ADAMTSL1: variants seen among roughly 807,000 people sequenced by gnomAD.
ADAMTSL1 encodes the protein ADAMTS like 1, also known as ADAMTS-like protein 1.
A neutral mutation model predicts 201.8 loss-of-function variants in ADAMTSL1; 126 were observed. That is an observed-to-expected ratio of 0.62 (90% confidence interval 0.54 to 0.72). The LOEUF is 0.72. Among genes scored for constraint, ADAMTSL1 ranks in the 30% least tolerant of loss-of-function variants. ADAMTSL1 has a pLI of 0.00. For synonymous variants in ADAMTSL1, 1,121 were observed against 903.4 expected (o/e 1.24, Z -4.32); for missense variants, 2,679 against 2,277.8 (o/e 1.18, Z -3.59).
At chr9:18,367,832 C>T (rs1836842598) in intron 2 of ADAMTSL1, among the ~76,000 whole-genome samples, 1 of 151,788 alleles carries the variant, frequency 6.6e-6, no homozygotes, top group South Asian at 2.1e-4. Context: ...GATGGATGGG[C>T]GGGCAGGTGG....
chr9:18,553,717 A>G (rs1437675027), intron 3 of ADAMTSL1, among the ~76,000 whole-genome samples: 1 of 151,876 alleles, frequency 6.6e-6, no homozygotes, highest in African/African-American at 2.4e-5. Flanking sequence ...GTTGACAGTT[A>G]TCTTGTCTCA....
At chr9:18,412,031 G>A (rs569222100) in intron 2 of ADAMTSL1, among the ~76,000 whole-genome samples, 5 of 152,164 alleles carry the variant, frequency 3.3e-5, no homozygotes, top group South Asian at 2.1e-4. Flanking sequence ...CCATTCATTC[G>A]CTTTTATTCA....
chr9:18,545,643 T>A (rs1212106601), intron 3 of ADAMTSL1, among the ~76,000 whole-genome samples: 1 of 152,200 alleles, frequency 6.6e-6, no homozygotes, highest in Non-Finnish European at 1.5e-5. Flanking sequence ...TCTCTGCCTG[T>A]CAAGAGGATA....
chr9:18,105,833 A>G (rs1053412480), intron 1 of ADAMTSL1, among the ~76,000 whole-genome samples: 3 of 152,178 alleles, frequency 2.0e-5, no homozygotes, highest in African/African-American at 4.8e-5. Context: ...TACTCAAGTA[A>G]TCTCCTCTGG....
At chr9:18,017,998 G>A (rs972365367) in intron 1 of ADAMTSL1, among the ~76,000 whole-genome samples, 2 of 152,030 alleles carry the variant, frequency 1.3e-5, no homozygotes, top group African/African-American at 4.8e-5. Context: ...TTCAAACTGT[G>A]GCCTGAGGGA....
intron 23 of ADAMTSL1, among the ~76,000 whole-genome samples, chr9:18,836,879 T>C (rs139892039): frequency 8.7e-4 from 132 of 152,328 alleles, no homozygotes; most frequent in Non-Finnish European, 1.3e-3. Context: ...CTATTGTAAA[T>C]GGCATTGCAT....
chr9:18,135,461 A>G (rs897316753), intron 1 of ADAMTSL1, among the ~76,000 whole-genome samples: 1 of 152,134 alleles, frequency 6.6e-6, no homozygotes, highest in African/African-American at 2.4e-5. Context: ...TTTACTAGCC[A>G]CAAGGTGGAC....
rs565483090 is a variant in ADAMTSL1 at position 18,777,280 on chromosome 9, G to T, written c.3051G>T (p.Pro1017=). 3 of 1,608,564 alleles carry T rather than the reference G, an allele frequency of 1.9e-6. No individual in the cohort carries two copies. The highest frequency in any genetic ancestry group is 4.5e-5 in the East Asian group (2 of 44,738). The change falls in exon 19 of 29, where the codon CCG becomes CCT. Residue 1017 remains proline, a synonymous_variant. Transcript: ENST00000380548. Reference sequence around the variant, plus strand: ...AGAAGCGGGGCCTGGCCGCCAACCCGGGGAGCCGCTACGACGACCTCGTCT... The same window carrying T: ...AGAAGCGGGGCCTGGCCGCCAACCCTGGGAGCCGCTACGACGACCTCGTCT... ...KAEKRGLAAN[P]GSRYDDLVSR...
In ADAMTSL1 at chr9:18,512,696, A is replaced by G. The variant is rs141873871; in HGVS notation, c.191+7740A>G. 5.1e-3 allele frequency among the ~76,000 whole-genome samples: 783 copies of G among 152,318 alleles called. 5 individuals carry two copies. Among genetic ancestry groups the G allele is most frequent in the South Asian group, 0.028 (134 of 4,832 alleles). On this transcript the variant is annotated intron_variant, in intron 2 of 28. Transcript: ENST00000380548. Reference sequence around the variant, plus strand: ...AACTAAGAGAAGTTCCCCCAGTTCTATAAATAATACATCTGTGGAACTGGG... The same window carrying G: ...AACTAAGAGAAGTTCCCCCAGTTCTGTAAATAATACATCTGTGGAACTGGG...
chr9:18,899,829 T>TAA (rs1170643480), intron 26 of ADAMTSL1, among the ~76,000 whole-genome samples: 1 of 150,810 alleles, frequency 6.6e-6, no homozygotes, highest in Non-Finnish European at 1.5e-5. Context: ...CCCCAAACTA[T>TAA]AAAAACCCTA....
Position 18,795,482 on chromosome 9 carries a change from G to A in ADAMTSL1, c.3763G>A (p.Ala1255Thr), listed in dbSNP as rs1822365034. 1.2e-6 allele frequency: 2 copies of A among 1,613,798 alleles called. No individual in the cohort carries two copies. Among genetic ancestry groups the A allele is most frequent in the East Asian group, 4.5e-5 (2 of 44,868 alleles). The change falls in exon 20 of 29, where the codon GCC becomes ACC. Residue 1255 changes from alanine (A) to threonine (T), a missense_variant. By Grantham distance (58) the Ala-to-Thr change is moderately conservative. Transcript: ENST00000380548. The stretch of plus-strand genomic sequence containing the variant: ...TTTCTACACTTGCAATGCCACCAAT[G>A]CCTTGGGATACGACTCTGTCTCCAT... The part of the protein sequence containing the change: ...VGFYTCNATN[A>T]LGYDSVSIAV...
At chr9:18,864,700 G>A (rs1280414243) in intron 23 of ADAMTSL1, among the ~76,000 whole-genome samples, 1 of 152,170 alleles carries the variant, frequency 6.6e-6, no homozygotes, top group Non-Finnish European at 1.5e-5. Context: ...GAGTCAGGCT[G>A]TTTAGTCACA....
At chr9:18,703,257 G>C (rs1437015556) in intron 13 of ADAMTSL1, among the ~76,000 whole-genome samples, 4 of 152,064 alleles carry the variant, frequency 2.6e-5, no homozygotes, top group African/African-American at 4.8e-5. Context: ...TCACTTGCCT[G>C]CCCTCTCACT....
chr9:18,452,895 T>A (rs1820464874), intron 2 of ADAMTSL1, among the ~76,000 whole-genome samples: 1 of 152,238 alleles, frequency 6.6e-6, no homozygotes, highest in African/African-American at 2.4e-5. Context: ...GGCCTACAGC[T>A]CTGACAGCCT....
intron 21 of ADAMTSL1, among the ~76,000 whole-genome samples, chr9:18,819,815 G>T (rs939357361): frequency 2.0e-5 from 3 of 152,240 alleles, no homozygotes; most frequent in African/African-American, 7.2e-5. Context: ...CTCATTCAAA[G>T]TAGGTGGGAA....
intron 23 of ADAMTSL1, among the ~76,000 whole-genome samples, chr9:18,844,352 T>C (rs1226413961): frequency 6.6e-6 from 1 of 152,124 alleles, no homozygotes; most frequent in Non-Finnish European, 1.5e-5. Flanking sequence ...GAACAGTGGA[T>C]TTTCATGAAC....
intron 2 of ADAMTSL1, among the ~76,000 whole-genome samples, chr9:18,284,257 A>T (rs1463303973): frequency 6.6e-5 from 10 of 152,116 alleles, no homozygotes; most frequent in Non-Finnish European, 1.3e-4. Flanking sequence ...AAAGAATTAA[A>T]AAAACATTTT....
intron 5 of ADAMTSL1, among the ~76,000 whole-genome samples, chr9:18,623,960 G>A (rs1168748446): frequency 4.6e-5 from 7 of 152,144 alleles, no homozygotes; most frequent in African/African-American, 1.7e-4. Context: ...TGGACTTATA[G>A]GTCAAGGAAG....
chr9:18,819,164 A>G (rs890643814), intron 21 of ADAMTSL1, among the ~76,000 whole-genome samples: 1 of 152,150 alleles, frequency 6.6e-6, no homozygotes, highest in African/African-American at 2.4e-5. Context: ...GAGTAAAAGA[A>G]TAGGGGAGGG....
Sources: allele counts gnomAD v4.1 joint callset (sites outside exome capture counted in the v4.1 genomes callset), GRCh38; gene constraint gnomAD v4.1.1; transcripts MANE v1.5; gene names NCBI Gene and HGNC (gene_info 2026-07-23, HGNC 2026-07-21).